Variants in PDK1 observed in about 807,000 individuals in gnomAD.
The protein encoded by PDK1 is [Pyruvate dehydrogenase (acetyl-transferring)] kinase isozyme 1, mitochondrial.
In PDK1, 39 loss-of-function variants were observed where a neutral mutation model predicts 54.2. That is an observed-to-expected ratio of 0.72 (90% CI 0.56 to 0.94). The LOEUF (loss-of-function observed/expected upper bound fraction) is 0.94. Ranked by LOEUF, PDK1 falls within the 40% of genes least tolerant of loss-of-function variation. The pLI, the probability that PDK1 is intolerant of heterozygous loss-of-function variation, is 0.00. For synonymous variants in PDK1, 221 were observed against 207.1 expected, an observed-to-expected ratio of 1.07 and a Z score of -0.58; for missense variants, 552 against 566.0, an observed-to-expected ratio of 0.98 and a Z score of 0.25.
At chr2:172,571,823 C>CG (rs765005051) in intron 8 of PDK1, among the ~76,000 whole-genome samples, 1,411 of 99,776 alleles carry the variant, frequency 0.014, 210 homozygotes, top group African/African-American at 0.051. Context: ...TCTTTCTTTA[C>CG]TTTTTTTTTT....
At chr2:172,672,367 T>G in the PDK1 span, among the ~76,000 whole-genome samples, 3 of 152,194 alleles carry the variant, frequency 2.0e-5, no homozygotes, top group Admixed American at 6.5e-5. Flanking sequence ...CTTCCTCCAC[T>G]CCTTGCTAAG....
the PDK1 span, among the ~76,000 whole-genome samples, chr2:172,690,358 C>G: frequency 6.7e-6 from 1 of 150,188 alleles, no homozygotes; most frequent in Non-Finnish European, 1.5e-5. Flanking sequence ...ACAACAGATG[C>G]AGGAGAGAAT....
chr2:172,715,447 C>T, the PDK1 span, among the ~76,000 whole-genome samples: 1,464 of 152,242 alleles, frequency 9.6e-3, 28 homozygotes, highest in African/African-American at 0.032. Context: ...GTTTGAAGAC[C>T]ATAGTGGAGA....
intron 9 of PDK1, among the ~76,000 whole-genome samples, chr2:172,588,172 A>G (rs952860669): frequency 6.6e-6 from 1 of 152,242 alleles, no homozygotes; most frequent in Non-Finnish European, 1.5e-5. Context: ...CAAGGGGCAG[A>G]CAGACAATGT....
chr2:172,568,106 G>A (rs1309766083), intron 6 of PDK1, among the ~76,000 whole-genome samples: 1 of 152,016 alleles, frequency 6.6e-6, no homozygotes, highest in Non-Finnish European at 1.5e-5. Context: ...GGCCGAGGCG[G>A]GTGGCTCACA....
chr2:172,565,321 T>C (rs1688875270), intron 5 of PDK1, among the ~76,000 whole-genome samples: 1 of 152,228 alleles, frequency 6.6e-6, no homozygotes, highest in Non-Finnish European at 1.5e-5. Flanking sequence ...TTGTTTTGTT[T>C]GAGACAGAGT....
At position 172,558,723 on chromosome 2, in the gene PDK1, G is replaced by T; in HGVS notation, c.212G>T (p.Cys71Phe). The change falls in exon 2 of 11, where the codon TGT becomes TTT. Residue 71 changes from cysteine (C) to phenylalanine (F), a missense_variant. By Grantham distance (205) the Cys-to-Phe change is radical. Coordinates refer to ENST00000282077, the MANE Select transcript of PDK1 (RefSeq NM_002610.5). ...QFLDFGSVNACEKTSFMFLRQ... is the reference protein window; with the variant it reads ...QFLDFGSVNAFEKTSFMFLRQ... ...TTGGTTTCAGGATCAGTGAATGCTT[G>T]TGAAAAGACCTCATTTATGTTTCTG... 1 of 1,606,832 alleles carries T rather than the reference G, an allele frequency of 6.2e-7. No individual in the cohort carries two copies. Among genetic ancestry groups the T allele is most frequent in the Non-Finnish European group, 8.5e-7 (1 of 1,178,164 alleles).
chr2:172,659,069 C>T, the PDK1 span, among the ~76,000 whole-genome samples: 7 of 152,204 alleles, frequency 4.6e-5, no homozygotes, highest in South Asian at 1.5e-3. Context: ...ACACCTCCTC[C>T]CCTTTTGAAG....
chr2:172,564,514 C>T lies in PDK1; in HGVS notation c.422C>T (p.Thr141Ile), dbSNP rs189497620. The T allele has an allele frequency of 7.4e-6, 12 of 1,613,730 alleles. No individual in the cohort carries two copies. Among genetic ancestry groups the T allele is most frequent in the Non-Finnish European group, 1.0e-5 (12 of 1,179,698 alleles). Residue 141 changes from threonine to isoleucine, a missense_variant, in exon 4 of 11, where the codon ACT becomes ATT. Thr to Ile is a moderately conservative substitution (Grantham distance 89). Transcript: ENST00000282077. Reference sequence around the variant, plus strand: ...ATGGGTTTGTTTAGCTTTACAGATACTGTGATACGGATCAGAAACCGACAC... The same window carrying T: ...ATGGGTTTGTTTAGCTTTACAGATATTGTGATACGGATCAGAAACCGACAC... ...DAKAIYDFTDTVIRIRNRHND... is the reference protein window; with the variant it reads ...DAKAIYDFTDIVIRIRNRHND...
At chr2:172,644,723 A>G in the PDK1 span, among the ~76,000 whole-genome samples, 1 of 152,206 alleles carries the variant, frequency 6.6e-6, no homozygotes, top group Non-Finnish European at 1.5e-5. Flanking sequence ...TCCTTTTCCA[A>G]TGTGAAGGAC....
chr2:172,570,868 A>G, intron 8 of PDK1, 44 bp downstream of exon 8: 1 of 1,033,100 alleles, frequency 9.7e-7, no homozygotes, highest in Non-Finnish European at 1.5e-6. Flanking sequence ...TTTTTTTGTA[A>G]TTGATGAACA....
At chr2:172,701,737 A>G in the PDK1 span, among the ~76,000 whole-genome samples, 2 of 148,804 alleles carry the variant, frequency 1.3e-5, no homozygotes, top group African/African-American at 5.0e-5. Context: ...ATCATTAGAT[A>G]CATGCACATT....
chr2:172,613,189 A>G (rs922043906), downstream of PDK1, among the ~76,000 whole-genome samples: 3 of 152,208 alleles, frequency 2.0e-5, no homozygotes, highest in Non-Finnish European at 4.4e-5. Context: ...CCATGAGGAC[A>G]CCCACTCAGG....
At chr2:172,679,835 G>A in the PDK1 span, among the ~76,000 whole-genome samples, 7 of 152,078 alleles carry the variant, frequency 4.6e-5, no homozygotes, top group Non-Finnish European at 8.8e-5. Flanking sequence ...AAACCAGGTC[G>A]AACACAGGTT....
At chr2:172,555,870 C>A (rs895024167), upstream of PDK1, 9 of 305,602 alleles carry the variant, frequency 2.9e-5, no homozygotes, top group African/African-American at 4.3e-5. Flanking sequence ...GCGGCGGCTG[C>A]GGCCTGGCGC....
chr2:172,567,036 G>T (rs1452191748), intron 6 of PDK1, 103 bp downstream of exon 6: 12 of 733,612 alleles, frequency 1.6e-5, no homozygotes, highest in Non-Finnish European at 2.5e-5. Flanking sequence ...TATCAACTTC[G>T]TTGGATATGA....
chr2:172,641,463 A>T, the PDK1 span, among the ~76,000 whole-genome samples: 8 of 134,500 alleles, frequency 5.9e-5, no homozygotes, highest in African/African-American at 2.3e-4. Context: ...TTTTTTTGAG[A>T]CGGAGTCTTG....
chr2:172,600,386 A>T lies in PDK1; in HGVS notation c.*4417A>T, dbSNP rs1330575846. 1.3e-5 allele frequency: 2 copies of T among 152,240 alleles called. No individual in the cohort carries two copies. The highest frequency in any genetic ancestry group is 2.9e-5 in the Non-Finnish European group (2 of 68,036). The allele number at this position is 152,240 out of a possible 1,614,324, so 9.4% of individuals were successfully genotyped here. On this transcript the variant is annotated 3_prime_UTR_variant, in exon 11 of 11. Coordinates refer to ENST00000282077, the MANE Select transcript of PDK1 (RefSeq NM_002610.5). ...AAAATAGGATGGGACAGAGAAAAAT[A>T]TGTCTGTATTACAGCATAAACATAT...
chr2:172,568,327 C>CAAAAAAAAAAAAAA (rs11400625), intron 6 of PDK1, among the ~76,000 whole-genome samples: 2 of 57,106 alleles, frequency 3.5e-5, no homozygotes, highest in Admixed American at 2.0e-4. Flanking sequence ...GACTCCGTCT[C>CAAAAAAAAAAAAAA]AAAAAAAAAA....
Sources: allele counts gnomAD v4.1 joint callset (sites outside exome capture counted in the v4.1 genomes callset), GRCh38; gene constraint gnomAD v4.1.1; transcripts MANE v1.5; gene names NCBI Gene and HGNC (gene_info 2026-07-23, HGNC 2026-07-21).